The following CCDC91 variants were observed in gnomAD, a reference collection of about 807,000 sequenced individuals.
The protein encoded by CCDC91 is coiled-coil domain containing 91, also known as coiled-coil domain-containing protein 91.
A neutral mutation model predicts 63.2 loss-of-function variants in CCDC91; 48 were observed. That is an observed-to-expected ratio of 0.76 (90% CI 0.60 to 0.97). The LOEUF is 0.97. CCDC91 is among the 50% of genes least tolerant of loss of function. CCDC91 has a pLI of 0.00. For missense variants in CCDC91, 500 were observed against 494.6 expected (o/e 1.01, Z -0.10); for synonymous variants, 167 against 165.8 (o/e 1.01, Z -0.06).
intron 6 of CCDC91, among the ~76,000 whole-genome samples, chr12:28,318,514 C>G (rs556028572): frequency 4.0e-5 from 6 of 151,870 alleles, no homozygotes; most frequent in Non-Finnish European, 8.8e-5. Context: ...GTACTCTAAC[C>G]TCAGTGACAG....
At chr12:28,428,436 G>A (rs1197229625) in intron 8 of CCDC91, among the ~76,000 whole-genome samples, 1 of 151,796 alleles carries the variant, frequency 6.6e-6, no homozygotes, top group Non-Finnish European at 1.5e-5. Context: ...CAGGCTTGGT[G>A]GTGCATGCTT....
intron 1 of CCDC91, among the ~76,000 whole-genome samples, chr12:28,197,168 T>C (rs1167495709): frequency 6.6e-6 from 1 of 152,132 alleles, no homozygotes; most frequent in Non-Finnish European, 1.5e-5. Flanking sequence ...AAATTTGTTC[T>C]TTAGGCTATT....
intron 12 of CCDC91, among the ~76,000 whole-genome samples, chr12:28,513,329 G>T (rs1049351302): frequency 1.3e-5 from 2 of 151,792 alleles, no homozygotes; most frequent in Admixed American, 6.6e-5. Flanking sequence ...CATTATAAGT[G>T]TTCAATAAAA....
chr12:28,533,202 A>C (rs1406477493), intron 12 of CCDC91, among the ~76,000 whole-genome samples: 7 of 152,114 alleles, frequency 4.6e-5, no homozygotes, highest in African/African-American at 1.7e-4. Context: ...AAGAAGCTTT[A>C]ATCAAGTTGC....
chr12:28,427,371 ACTTCT>A (rs1169782153), intron 8 of CCDC91, among the ~76,000 whole-genome samples: 13 of 152,068 alleles, frequency 8.5e-5, no homozygotes, highest in Admixed American at 7.2e-4. Context: ...TAATGGTTAC[ACTTCT>A]CTTCCCTTCG....
chr12:28,363,424 T>C (rs1944032479), intron 7 of CCDC91, among the ~76,000 whole-genome samples: 1 of 152,202 alleles, frequency 6.6e-6, no homozygotes, highest in Non-Finnish European at 1.5e-5. Flanking sequence ...TAACCATACA[T>C]GTTTACATAG....
At chr12:28,543,567 T>G (rs1942782876) in intron 12 of CCDC91, among the ~76,000 whole-genome samples, 1 of 152,066 alleles carries the variant, frequency 6.6e-6, no homozygotes, top group African/African-American at 2.4e-5. Context: ...CATCCCCGAG[T>G]GTCCCAGGAC....
intron 1 of CCDC91, among the ~76,000 whole-genome samples, chr12:28,248,927 G>T (rs1465730461): frequency 1.3e-5 from 2 of 152,218 alleles, no homozygotes; most frequent in African/African-American, 4.8e-5. Flanking sequence ...GGGTTTGGGG[G>T]TTAGTCTTAA....
intron 11 of CCDC91, among the ~76,000 whole-genome samples, chr12:28,460,902 C>T (rs1384767310): frequency 1.3e-5 from 2 of 151,746 alleles, no homozygotes; most frequent in African/African-American, 4.8e-5. Flanking sequence ...GGTCTCTTAA[C>T]CATGGGGATA....
At chr12:28,239,774 A>C (rs925486649) in intron 1 of CCDC91, among the ~76,000 whole-genome samples, 5 of 152,178 alleles carry the variant, frequency 3.3e-5, no homozygotes, top group African/African-American at 1.2e-4. Flanking sequence ...AGACTATATA[A>C]TAAATGAAAA....
chr12:28,453,656 C>G (rs543344479), intron 11 of CCDC91, among the ~76,000 whole-genome samples: 1 of 151,026 alleles, frequency 6.6e-6, no homozygotes, highest in African/African-American at 2.4e-5. Context: ...TTTTTTCTTG[C>G]GTTTTTTCAC....
chr12:28,376,885 G>C (rs769382140), intron 7 of CCDC91, among the ~76,000 whole-genome samples: 1 of 151,746 alleles, frequency 6.6e-6, no homozygotes, highest in Non-Finnish European at 1.5e-5. Flanking sequence ...GACTCAATCA[G>C]TGTGTTAAAA....
At position 28,448,983 on chromosome 12, in the gene CCDC91, C is replaced by T. The variant is rs1269857196; in HGVS notation, c.763-1178C>T. On this transcript the variant is annotated intron_variant, in intron 8 of 12. Coordinates refer to ENST00000536442, the MANE Select transcript of CCDC91 (RefSeq NM_018318.5). The stretch of plus-strand genomic sequence containing the variant: ...ACGTTAATTATGTGGTAAGTCTACT[C>T]ATTTGTTAATTAGCTGCCTTACATA... Among the ~76,000 whole-genome samples the T allele has an allele frequency of 3.9e-5, 6 of 152,154 alleles. No homozygotes were observed. The East Asian group carries it at 1.2e-3, about 29-fold the overall frequency.
rs1438921507 is a variant in CCDC91 at position 28,428,573 on chromosome 12, C to CAAAAAAAA, written c.763-21588_763-21587insAAAAAAAA. Among the ~76,000 whole-genome samples the CAAAAAAAA allele has an allele frequency of 6.3e-4, 41 of 65,252 alleles. 1 individual carries two copies. The highest frequency in any genetic ancestry group is 3.2e-3 in the African/African-American group (38 of 11,840). 42.8% of individuals were successfully genotyped at this position (65,252 alleles called of 152,430 possible). A position where few individuals can be genotyped will look rare whatever the true frequency, so the allele number is the denominator to read the frequency against. ...AACAAGAGTGAAACTCCGTCTCTCC[C>CAAAAAAAA]CAAAAAAAAAAAAAAAAAAAAAAAA... On this transcript the variant is annotated intron_variant, in intron 8 of 12. Coordinates refer to ENST00000536442, the MANE Select transcript of CCDC91 (RefSeq NM_018318.5).
chr12:28,231,921 CTA>C (rs1465989153), intron 1 of CCDC91, among the ~76,000 whole-genome samples: 1 of 152,104 alleles, frequency 6.6e-6, no homozygotes, highest in Non-Finnish European at 1.5e-5. Flanking sequence ...GCATTGAACA[CTA>C]TGTGGTTTTG....
intron 8 of CCDC91, among the ~76,000 whole-genome samples, chr12:28,449,778 A>G (rs1022336838): frequency 2.0e-5 from 3 of 151,968 alleles, no homozygotes; most frequent in Admixed American, 6.5e-5. Context: ...CAGATATTTT[A>G]TATTTCTCAG....
At chr12:28,332,919 A>G (rs1428243476) in intron 6 of CCDC91, among the ~76,000 whole-genome samples, 1 of 151,996 alleles carries the variant, frequency 6.6e-6, no homozygotes, top group African/African-American at 2.4e-5. Context: ...CCTTACTACT[A>G]TGCTTGGGGA....
intron 1 of CCDC91, among the ~76,000 whole-genome samples, chr12:28,216,493 A>T (rs945680621): frequency 7.2e-5 from 11 of 151,938 alleles, no homozygotes; most frequent in African/African-American, 2.7e-4. Flanking sequence ...TTGGGAACTT[A>T]TGTGTAATGA....
At chr12:28,194,144 A>C (rs1431194756) in intron 1 of CCDC91, among the ~76,000 whole-genome samples, 1 of 151,844 alleles carries the variant, frequency 6.6e-6, no homozygotes, top group Non-Finnish European at 1.5e-5. Flanking sequence ...TTTTTTTCTT[A>C]TGTTTTCTTC....
Sources: gnomAD v4.1 joint callset for allele counts (sites outside exome capture counted in the v4.1 genomes callset) on GRCh38, gnomAD v4.1.1 for gene constraint, MANE v1.5 for transcripts, NCBI Gene and HGNC (gene_info 2026-07-23, HGNC 2026-07-21) for gene names.